YY1AP1: variants seen among roughly 807,000 people sequenced by gnomAD.
YY1AP1 encodes the protein YY1 associated protein 1.
YY1AP1 carries 43 observed loss-of-function variants against 39.9 expected under a neutral mutation model. The observed-to-expected ratio is 1.08, with a 90% confidence interval of 0.84 to 1.39. YY1AP1 has a LOEUF of 1.39. YY1AP1 is among the 40% of genes most tolerant of loss of function. YY1AP1 has a pLI of 0.00. For synonymous variants in YY1AP1, 292 were observed against 331.3 expected, an observed-to-expected ratio of 0.88 and a Z score of 1.29; for missense variants, 813 against 900.7, an observed-to-expected ratio of 0.90 and a Z score of 1.25.
intron 1 of YY1AP1, 197 bp downstream of exon 1, chr1:155,688,462 C>T (rs1446525132): frequency 3.2e-6 from 5 of 1,549,854 alleles, no homozygotes; most frequent in African/African-American, 1.4e-5. Context: ...CGACTCCGGC[C>T]ATGTAGCGCG....
chr1:155,659,504 TG>T lies in YY1AP1; in HGVS notation c.*152del. 1.4e-6 allele frequency: 1 copy of T among 713,880 alleles called. No homozygotes were observed. Among genetic ancestry groups the T allele is most frequent in the Non-Finnish European group, 2.4e-6 (1 of 415,160 alleles). The allele number at this position is 713,880 out of a possible 1,614,324, so 44.2% of individuals were successfully genotyped here. A position where few individuals can be genotyped will look rare whatever the true frequency, so the allele number is the denominator to read the frequency against. On this transcript the variant is annotated 3_prime_UTR_variant, in exon 11 of 11. Transcript: ENST00000355499. The stretch of plus-strand genomic sequence containing the variant: ...TGAAGCAAAAGTATATTCCACAGAG[TG>T]GGAGCAGGCTAAAGCAAGCTGCTCA...
chr1:155,688,454 A>T lies in YY1AP1; in HGVS notation c.-152+205T>A, dbSNP rs1653011796. The T allele has an allele frequency of 6.5e-7, 1 of 1,548,408 alleles. No homozygotes were observed. The highest frequency in any genetic ancestry group is 8.7e-7 in the Non-Finnish European group (1 of 1,146,064). On this transcript the variant is annotated intron_variant, in intron 1 of 10. Transcript: ENST00000355499. The stretch of plus-strand genomic sequence containing the variant: ...TCCCCACGGTCCCCCGCTTCGCCCG[A>T]CTCCGGCCATGTAGCGCGCACGTCA...
At chr1:155,661,268 C>T (rs369730748) in intron 10 of YY1AP1, 39 bp downstream of exon 10, 18 of 1,613,798 alleles carry the variant, frequency 1.1e-5, no homozygotes, top group East Asian at 1.1e-4. Flanking sequence ...CTTTCAGTGA[C>T]CTTCTGCCTC....
chr1:155,684,348 C>G (rs565671240), intron 2 of YY1AP1, among the ~76,000 whole-genome samples: 1 of 152,304 alleles, frequency 6.6e-6, no homozygotes, highest in South Asian at 2.1e-4. Context: ...GCACACTACA[C>G]ACACATATCA....
intron 1 of YY1AP1, 162 bp from the exon 2 acceptor site, chr1:155,688,363 C>T: frequency 6.5e-7 from 1 of 1,547,374 alleles, no homozygotes; most frequent in South Asian, 1.2e-5. Flanking sequence ...GCAGCTCCTC[C>T]AGAGGGAGGG....
chr1:155,667,937 G>GACACAGACAC (rs1649275359), intron 9 of YY1AP1, among the ~76,000 whole-genome samples: 1 of 142,668 alleles, frequency 7.0e-6, no homozygotes, highest in Non-Finnish European at 1.6e-5. Context: ...CATACATACA[G>GACACAGACAC]ACACAGACAC....
chr1:155,683,140 T>G (rs550700529), intron 2 of YY1AP1, among the ~76,000 whole-genome samples: 1 of 152,066 alleles, frequency 6.6e-6, no homozygotes, highest in Non-Finnish European at 1.5e-5. Context: ...ATAATTATAT[T>G]TCAGGAATTC....
chr1:155,678,503 T>C (rs967312835), intron 4 of YY1AP1, among the ~76,000 whole-genome samples: 1 of 152,240 alleles, frequency 6.6e-6, no homozygotes, highest in African/African-American at 2.4e-5. Context: ...TCCATTCTGC[T>C]ATACCAGAAT....
intron 9 of YY1AP1, among the ~76,000 whole-genome samples, chr1:155,668,029 A>G (rs771372834): frequency 3.3e-5 from 5 of 152,068 alleles, no homozygotes; most frequent in Non-Finnish European, 5.9e-5. Context: ...TAGGCTGGGC[A>G]CGGTGGCTTA....
intron 7 of YY1AP1, chr1:155,672,177 G>T (rs1456724463): frequency 3.3e-6 from 1 of 306,048 alleles, no homozygotes; most frequent in Non-Finnish European, 6.4e-6. Flanking sequence ...TGATCTTAAT[G>T]AAGAGAATAA....
chr1:155,680,516 T>G, intron 2 of YY1AP1, 60 bp from the exon 3 acceptor site: 1 of 1,400,262 alleles, frequency 7.1e-7, no homozygotes, highest in Non-Finnish European at 1.0e-6. Context: ...ATGGAGGAAT[T>G]CCATGTAGAC....
chr1:155,659,609 G>A lies in YY1AP1; in HGVS notation c.*48C>T, dbSNP rs781329819. 5.0e-6 allele frequency: 8 copies of A among 1,605,520 alleles called. No individual in the cohort carries two copies. In the Admixed American group the frequency reaches 5.0e-5, roughly 10 times the overall value. ...GGTTACACCCTATGCGCCACCAATCGGAGGCCGAAGTGAAGGCTCCCAGTC... is the reference window on the plus strand; with the variant it reads ...GGTTACACCCTATGCGCCACCAATCAGAGGCCGAAGTGAAGGCTCCCAGTC... On this transcript the variant is annotated 3_prime_UTR_variant, in exon 11 of 11. Transcript: ENST00000355499.
At chr1:155,670,295 T>C (rs368296062) in intron 8 of YY1AP1, 25 bp downstream of exon 8, 30 of 1,611,794 alleles carry the variant, frequency 1.9e-5, no homozygotes, top group Admixed American at 6.7e-5. Flanking sequence ...CTTGGGATAT[T>C]TGATCCCCCA....
chr1:155,664,053 C>T (rs528463672), intron 9 of YY1AP1, among the ~76,000 whole-genome samples: 5 of 149,678 alleles, frequency 3.3e-5, no homozygotes, highest in South Asian at 2.1e-4. Context: ...TGGTGCACAC[C>T]GGGTTGGAGA....
chr1:155,680,473 CGTT>C lies in YY1AP1; in HGVS notation c.-20-20_-20-18del. ...CTTCCTTTTCTGCAAAAAAGCCAAA[CGTT>C]GTTGGTATAAATTAGATTCATTTTA... On this transcript the variant is annotated intron_variant, in intron 2 of 10. Coordinates refer to ENST00000355499, the MANE Select transcript of YY1AP1 (RefSeq NM_139119.3). The C allele has an allele frequency of 6.2e-7, 1 of 1,610,310 alleles. No individual in the cohort carries two copies. The highest frequency in any genetic ancestry group is 8.5e-7 in the Non-Finnish European group (1 of 1,176,916).
rs756944749 is a variant in YY1AP1 at position 155,672,661 on chromosome 1, A to G, written c.482T>C (p.Leu161Pro). ...HHQYNPKFQT[L>P]FQPCNLMGAM... ...TCCCATCAAGTTACAGGGTTGGAAC[A>G]GGGTCTGAAACTTGGGGTTGTACTG... Residue 161 changes from leucine to proline, a missense_variant, in exon 7 of 11, where the codon CTG (leucine) becomes CCG (proline). Around this residue, in one of 3 missense-constraint regions of YY1AP1, gnomAD observed 196 missense variants for 189.7 expected, o/e 1.03. Transcript: ENST00000355499. The G allele has an allele frequency of 2.1e-5, 34 of 1,614,028 alleles. No homozygotes were observed. The highest frequency in any genetic ancestry group is 5.3e-5 in the African/African-American group (4 of 74,912).
chr1:155,679,062 T>C (rs1649254602), intron 4 of YY1AP1: 2 of 1,165,862 alleles, frequency 1.7e-6, no homozygotes, highest in African/African-American at 1.6e-5. Flanking sequence ...TAATGGCACA[T>C]AAAAAGAACA....
chr1:155,670,257 A>G, intron 8 of YY1AP1, 63 bp downstream of exon 8: 4 of 1,606,458 alleles, frequency 2.5e-6, no homozygotes, highest in Non-Finnish European at 3.4e-6. Flanking sequence ...TACTTCCCCT[A>G]AACTCCTCAA....
chr1:155,670,529 G>A, intron 7 of YY1AP1, 65 bp from the exon 8 acceptor site: 1 of 1,585,934 alleles, frequency 6.3e-7, no homozygotes, highest in Non-Finnish European at 8.6e-7. Context: ...AAAAGCCTGT[G>A]AATGCATTTT....
Sources: allele counts gnomAD v4.1 joint callset (sites outside exome capture counted in the v4.1 genomes callset), GRCh38; gene constraint gnomAD v4.1.1; regional missense constraint gnomAD v4.1.1; transcripts MANE v1.5; gene names NCBI Gene and HGNC (gene_info 2026-07-23, HGNC 2026-07-21).